Variants in MAP3K20 observed in about 807,000 individuals in gnomAD.
MAP3K20 encodes the protein mitogen-activated protein kinase kinase kinase 20, also known as HCCS-4.
MAP3K20 carries 40 observed loss-of-function variants against 85.7 expected under a neutral mutation model. The ratio of observed to expected loss-of-function variants is 0.47; its 90% CI spans 0.36 to 0.61. The LOEUF is 0.61. Among genes scored for constraint, MAP3K20 ranks in the 20% least tolerant of loss-of-function variants. MAP3K20 has a pLI of 0.00. For missense variants in MAP3K20, 817 were observed against 961.7 expected (o/e 0.85, Z 1.99); for synonymous variants, 325 against 327.7 (o/e 0.99, Z 0.09).
At chr2:173,081,162 TACAG>T (rs1410793004) in intron 1 of MAP3K20, among the ~76,000 whole-genome samples, 3 of 151,836 alleles carry the variant, frequency 2.0e-5, no homozygotes, top group East Asian at 1.9e-4. Context: ...AACAAATCGA[TACAG>T]ACACATATTT....
intron 2 of MAP3K20, among the ~76,000 whole-genome samples, chr2:173,155,494 T>C (rs1689439047): frequency 6.6e-6 from 1 of 152,208 alleles, no homozygotes. Flanking sequence ...AAATATTTGT[T>C]GGGTGAATGT....
chr2:173,183,991 C>T (rs1024930471), intron 4 of MAP3K20, among the ~76,000 whole-genome samples: 3 of 152,308 alleles, frequency 2.0e-5, no homozygotes, highest in South Asian at 2.1e-4. Context: ...CTAGATGCTG[C>T]TGCTGAATGA....
chr2:173,248,898 AT>A (rs1684982954), intron 16 of MAP3K20, among the ~76,000 whole-genome samples: 2 of 152,204 alleles, frequency 1.3e-5, no homozygotes, highest in Non-Finnish European at 2.9e-5. Context: ...ATAGGCTCAA[AT>A]AAATTACAAG....
At chr2:173,149,746 A>G (rs1469726061) in intron 2 of MAP3K20, among the ~76,000 whole-genome samples, 1 of 152,174 alleles carries the variant, frequency 6.6e-6, no homozygotes, top group Non-Finnish European at 1.5e-5. Flanking sequence ...CATCCTCCCC[A>G]CAGCCTTTCG....
intron 2 of MAP3K20, among the ~76,000 whole-genome samples, chr2:173,106,049 C>T (rs191341436): frequency 1.3e-5 from 2 of 152,210 alleles, no homozygotes; most frequent in Admixed American, 1.3e-4. Context: ...TTAGTGAATA[C>T]ATTTAAAAAA....
intron 1 of MAP3K20, chr2:173,090,557 T>C (rs1328044281): frequency 3.1e-5 from 29 of 931,984 alleles, no homozygotes; most frequent in African/African-American, 3.6e-5. Flanking sequence ...TTAGGTTGTG[T>C]ATATTTTGTG....
Position 173,091,126 on chromosome 2 carries a change from G to T in MAP3K20, c.95G>T (p.Arg32Leu), listed in dbSNP as rs374943647. 1 of 1,613,816 alleles carries T rather than the reference G, an allele frequency of 6.2e-7. No individual in the cohort carries two copies. Among genetic ancestry groups the T allele is most frequent in the South Asian group, 1.1e-5 (1 of 91,058 alleles). ...GGAGGAAGTTTTGGGAGTGTTTATC[G>T]AGCCAAATGGATATCACAGGACAAG... ...CGGGSFGSVY[R>L]AKWISQDKEV... is the part of the protein sequence containing the mutation. The change falls in exon 2 of 20, where the codon CGA (arginine) becomes CTA (leucine). Residue 32 changes from arginine to leucine, a missense_variant. By Grantham distance (102) the Arg-to-Leu change is moderately radical. This residue lies in a region of MAP3K20 where 200 missense variants were observed against 302.7 expected (regional missense o/e 0.66). Transcript: ENST00000375213.
intron 1 of MAP3K20, among the ~76,000 whole-genome samples, chr2:173,088,575 GGGGAATGGGGAGACA>G (rs1360739637): frequency 6.6e-6 from 1 of 152,200 alleles, no homozygotes; most frequent in Non-Finnish European, 1.5e-5. Flanking sequence ...AATTGGGTAT[GGGGAATGGGGAGACA>G]GGAAACTTCT....
intron 9 of MAP3K20, chr2:173,207,486 C>T (rs552160808): frequency 7.2e-5 from 11 of 152,248 alleles, no homozygotes; most frequent in African/African-American, 2.2e-4. Context: ...AGCAAGACGC[C>T]GTCTCCACAA....
At chr2:173,111,425 T>C (rs1205580279) in intron 2 of MAP3K20, among the ~76,000 whole-genome samples, 3 of 151,900 alleles carry the variant, frequency 2.0e-5, no homozygotes. Context: ...CTCTTTAGTT[T>C]AATTAAGTCC....
At chr2:173,159,186 A>G (rs1213183792) in intron 2 of MAP3K20, among the ~76,000 whole-genome samples, 2 of 152,196 alleles carry the variant, frequency 1.3e-5, no homozygotes, top group East Asian at 1.9e-4. Flanking sequence ...CTAATCCTTC[A>G]TTAGTTCCAA....
intron 9 of MAP3K20, among the ~76,000 whole-genome samples, chr2:173,205,395 TA>T (rs1407588410): frequency 4.6e-5 from 7 of 152,246 alleles, no homozygotes; most frequent in African/African-American, 1.7e-4. Context: ...TTAATGGGAA[TA>T]ACTAACTCAG....
chr2:173,113,008 A>G (rs1294760720), intron 2 of MAP3K20, among the ~76,000 whole-genome samples: 2 of 152,026 alleles, frequency 1.3e-5, no homozygotes, highest in African/African-American at 4.8e-5. Flanking sequence ...AATTCTTTGA[A>G]TGTCTGCTAG....
Position 173,198,104 on chromosome 2 carries a change from A to G in MAP3K20, c.661A>G (p.Lys221Glu). 1 of 1,612,824 alleles carries G rather than the reference A, an allele frequency of 6.2e-7. No individual in the cohort carries two copies. Among genetic ancestry groups the G allele is most frequent in the Non-Finnish European group, 8.5e-7 (1 of 1,179,172 alleles). ...ACAAGTAGCTTGGCTTGTAGTGGAA[A>G]AAAACGAGGTAAGACTACGTTTCTC... is the stretch of plus-strand genomic sequence containing the variant. ...GLQVAWLVVE[K>E]NERLTIPSSC... Residue 221 changes from lysine to glutamate, a missense_variant, in exon 8 of 20, where the codon AAA becomes GAA. Physicochemically the swap from Lys to Glu is moderately conservative, Grantham distance 56. Transcript: ENST00000375213. The surrounding 1 kb of genome is among the most constrained non-coding windows in gnomAD (Gnocchi z 5.8).
At chr2:173,158,360 A>G (rs1335479802) in intron 2 of MAP3K20, among the ~76,000 whole-genome samples, 2 of 152,336 alleles carry the variant, frequency 1.3e-5, no homozygotes, top group South Asian at 2.1e-4. Context: ...AGGAGAATAT[A>G]TAAAAAGAGG....
At chr2:173,092,627 T>C (rs1297755739) in intron 2 of MAP3K20, among the ~76,000 whole-genome samples, 1 of 152,222 alleles carries the variant, frequency 6.6e-6, no homozygotes, top group Non-Finnish European at 1.5e-5. Context: ...CATCCATTTA[T>C]AGTCAGTTAT....
At chr2:173,208,182 T>C (rs886745918) in intron 9 of MAP3K20, among the ~76,000 whole-genome samples, 8 of 152,128 alleles carry the variant, frequency 5.3e-5, no homozygotes, top group African/African-American at 1.9e-4. Flanking sequence ...GGAAGATCAC[T>C]TGGGACAAGG....
At chr2:173,212,182 T>G (rs1683920470) in intron 10 of MAP3K20, 1 of 152,216 alleles carries the variant, frequency 6.6e-6, no homozygotes, top group Admixed American at 6.5e-5. Flanking sequence ...TCATTCATTA[T>G]CCATTCATTG....
chr2:173,079,853 C>A (rs1686966342), intron 1 of MAP3K20, among the ~76,000 whole-genome samples: 1 of 151,476 alleles, frequency 6.6e-6, no homozygotes, highest in Non-Finnish European at 1.5e-5. Flanking sequence ...ATGCCTTCTT[C>A]TGGACACCTC....
Sources: allele counts gnomAD v4.1 joint callset (sites outside exome capture counted in the v4.1 genomes callset), GRCh38; gene constraint gnomAD v4.1.1; regional missense constraint gnomAD v4.1.1; non-coding constraint Gnocchi (gnomAD v3.1); transcripts MANE v1.5; gene names NCBI Gene and HGNC (gene_info 2026-07-23, HGNC 2026-07-21).